Variants in LHFPL3 observed in about 807,000 individuals in gnomAD.
The protein encoded by LHFPL3 is LHFPL tetraspan subfamily member 3 protein.
In LHFPL3, 5 loss-of-function variants were observed where a neutral mutation model predicts 19.3. That is an observed-to-expected ratio of 0.26 (90% CI 0.14 to 0.54). The LOEUF (loss-of-function observed/expected upper bound fraction) is 0.54, where lower values mean the gene tolerates loss of function less well. Ranked by LOEUF, LHFPL3 falls within the 20% of genes least tolerant of loss-of-function variation. LHFPL3 has a pLI of 0.94. For synonymous variants in LHFPL3, 133 were observed against 126.2 expected, an observed-to-expected ratio of 1.05 and a Z score of -0.36; for missense variants, 249 against 307.4, an observed-to-expected ratio of 0.81 and a Z score of 1.42.
At chr7:104,478,205 CT>C (rs958885242) in intron 1 of LHFPL3, among the ~76,000 whole-genome samples, 18 of 152,082 alleles carry the variant, frequency 1.2e-4, no homozygotes, top group Middle Eastern at 3.4e-3. Flanking sequence ...TATAGAAACC[CT>C]TTTATGAGTC....
At chr7:104,857,988 G>A (rs1288339275) in intron 2 of LHFPL3, among the ~76,000 whole-genome samples, 1 of 152,200 alleles carries the variant, frequency 6.6e-6, no homozygotes, top group African/African-American at 2.4e-5. Flanking sequence ...AATTCTAGCT[G>A]TGTCCCAGGT....
intron 1 of LHFPL3, among the ~76,000 whole-genome samples, chr7:104,500,400 A>G (rs543892585): frequency 1.3e-5 from 2 of 152,364 alleles, no homozygotes; most frequent in South Asian, 4.1e-4. Flanking sequence ...TGCTTTATAA[A>G]GCTGAAAATG....
intron 1 of LHFPL3, among the ~76,000 whole-genome samples, chr7:104,423,091 G>T (rs115465557): frequency 6.6e-6 from 1 of 152,124 alleles, no homozygotes. Context: ...ATTACAGAGT[G>T]CATAAGGTCA....
intron 2 of LHFPL3, among the ~76,000 whole-genome samples, chr7:104,741,734 T>C (rs1793941518): frequency 6.6e-6 from 1 of 152,004 alleles, no homozygotes. Flanking sequence ...GGGTTGTTTT[T>C]TGTAGAGACA....
intron 1 of LHFPL3, among the ~76,000 whole-genome samples, chr7:104,358,183 G>A (rs539684947): frequency 4.6e-5 from 7 of 152,148 alleles, no homozygotes; most frequent in Non-Finnish European, 1.0e-4. Context: ...TGCTGAGTGC[G>A]TATGAGGTTT....
intron 1 of LHFPL3, among the ~76,000 whole-genome samples, chr7:104,667,368 C>T (rs1792376630): frequency 6.6e-6 from 1 of 152,152 alleles, no homozygotes; most frequent in Non-Finnish European, 1.5e-5. Flanking sequence ...AAATCACTTT[C>T]ACCCTCCCTG....
At chr7:104,827,869 G>T (rs1042934782) in intron 2 of LHFPL3, among the ~76,000 whole-genome samples, 5 of 151,886 alleles carry the variant, frequency 3.3e-5, no homozygotes, top group Non-Finnish European at 7.4e-5. Context: ...GGTCTCCACT[G>T]CTCTCTGGGG....
chr7:104,622,573 A>G (rs1207647054), intron 1 of LHFPL3, among the ~76,000 whole-genome samples: 2 of 152,102 alleles, frequency 1.3e-5, no homozygotes, highest in East Asian at 1.9e-4. Context: ...ATCCCCCCCA[A>G]AAATCCTCAT....
chr7:104,555,184 C>G (rs1273762633), intron 1 of LHFPL3, among the ~76,000 whole-genome samples: 2 of 152,168 alleles, frequency 1.3e-5, no homozygotes, highest in Non-Finnish European at 2.9e-5. Flanking sequence ...GTTAAGTTCA[C>G]ACTTAAAATT....
chr7:104,560,992 T>C (rs1275237621), intron 1 of LHFPL3, among the ~76,000 whole-genome samples: 1 of 151,112 alleles, frequency 6.6e-6, no homozygotes, highest in Non-Finnish European at 1.5e-5. Flanking sequence ...TTGAGCAGTT[T>C]TGAGTGAGAT....
intron 2 of LHFPL3, among the ~76,000 whole-genome samples, chr7:104,884,182 G>GT (rs2116691478): frequency 6.6e-6 from 1 of 152,306 alleles, no homozygotes; most frequent in East Asian, 1.9e-4. Context: ...GAAGCCTGGG[G>GT]TTGTAGGGTG....
intron 1 of LHFPL3, among the ~76,000 whole-genome samples, chr7:104,479,117 C>A (rs946866957): frequency 4.6e-5 from 7 of 152,152 alleles, no homozygotes; most frequent in African/African-American, 1.4e-4. Context: ...GAAAGGACTT[C>A]CTGCTGGAAG....
rs905854445 is a variant in LHFPL3, at chr7:104,636,022, A to C, written c.446-100653A>C. ...AACCTCTGAGTAAATAAAAAAGACA[A>C]CTCTAGAAACAATAAAATGTAATTC... On this transcript the variant is annotated intron_variant, in intron 1 of 2. Coordinates refer to ENST00000424859, the MANE Select transcript of LHFPL3 (RefSeq NM_199000.3). 2.0e-5 allele frequency among the ~76,000 whole-genome samples: 3 copies of C among 152,150 alleles called. No homozygotes were observed. In the East Asian group the frequency reaches 5.8e-4, roughly 29 times the overall value.
intron 1 of LHFPL3, among the ~76,000 whole-genome samples, chr7:104,507,911 A>C (rs1406528298): frequency 1.8e-5 from 2 of 110,816 alleles, no homozygotes; most frequent in Non-Finnish European, 3.7e-5. Flanking sequence ...ACAATGAGAT[A>C]CCATCTCACA....
At chr7:104,745,240 C>T (rs1001760620) in intron 2 of LHFPL3, among the ~76,000 whole-genome samples, 3 of 152,182 alleles carry the variant, frequency 2.0e-5, no homozygotes, top group African/African-American at 7.2e-5. Flanking sequence ...GATACAGAAG[C>T]TGCCCCTTCC....
chr7:104,504,419 T>G (rs1793658502), intron 1 of LHFPL3, among the ~76,000 whole-genome samples: 2 of 152,262 alleles, frequency 1.3e-5, no homozygotes, highest in South Asian at 4.1e-4. Context: ...TAGATTTTCA[T>G]CCTAAATCTT....
intron 1 of LHFPL3, among the ~76,000 whole-genome samples, chr7:104,531,093 G>T (rs1794286428): frequency 6.6e-6 from 1 of 152,196 alleles, no homozygotes; most frequent in African/African-American, 2.4e-5. Context: ...AGCATCAAAG[G>T]ATGCTCACTT....
intron 1 of LHFPL3, among the ~76,000 whole-genome samples, chr7:104,571,529 T>C (rs950265732): frequency 1.3e-5 from 2 of 152,280 alleles, no homozygotes; most frequent in Non-Finnish European, 2.9e-5. Flanking sequence ...GCAAGTGACT[T>C]ACAAGCCTTT....
intron 1 of LHFPL3, among the ~76,000 whole-genome samples, chr7:104,533,397 C>G (rs1794338868): frequency 6.6e-6 from 1 of 152,148 alleles, no homozygotes; most frequent in Non-Finnish European, 1.5e-5. Context: ...GTTCCCCTCC[C>G]AGGATAATCT....
Sources: gnomAD v4.1 joint callset for allele counts (sites outside exome capture counted in the v4.1 genomes callset) on GRCh38, gnomAD v4.1.1 for gene constraint, MANE v1.5 for transcripts, NCBI Gene and HGNC (gene_info 2026-07-23, HGNC 2026-07-21) for gene names.